CPQ: variants seen among roughly 807,000 people sequenced by gnomAD.
CPQ encodes carboxypeptidase Q.
CPQ carries 37 observed loss-of-function variants against 45.7 expected under a neutral mutation model. That is an observed-to-expected ratio of 0.81 (90% CI 0.62 to 1.07). CPQ has a LOEUF of 1.07. Ranked by LOEUF, CPQ falls within the 50% of genes least tolerant of loss-of-function variation. The pLI, the probability that CPQ is intolerant of heterozygous loss-of-function variation, is 0.00. For missense variants in CPQ, 537 were observed against 572.9 expected (o/e 0.94, Z 0.64); for synonymous variants, 186 against 205.8 (o/e 0.90, Z 0.82).
chr8:97,010,244 G>A (rs201451759), intron 5 of CPQ, among the ~76,000 whole-genome samples: 1 of 152,060 alleles, frequency 6.6e-6, no homozygotes, highest in Non-Finnish European at 1.5e-5. Flanking sequence ...TTTTGCTTTC[G>A]TATGTCAGAG....
intron 3 of CPQ, among the ~76,000 whole-genome samples, chr8:96,852,351 G>C (rs1187468306): frequency 6.6e-6 from 1 of 152,088 alleles, no homozygotes; most frequent in Admixed American, 6.5e-5. Flanking sequence ...CAAAAAAAAA[G>C]ACACTAGGTG....
chr8:96,928,164 T>C (rs1479728585), intron 4 of CPQ, among the ~76,000 whole-genome samples: 1 of 152,122 alleles, frequency 6.6e-6, no homozygotes, highest in East Asian at 1.9e-4. Flanking sequence ...GCATTTTCTA[T>C]CGTAAGACAG....
chr8:97,141,604 T>C (rs2130634815), intron 7 of CPQ, among the ~76,000 whole-genome samples: 1 of 152,208 alleles, frequency 6.6e-6, no homozygotes, highest in African/African-American at 2.4e-5. Context: ...AGGAAAACAT[T>C]TTGGAATTGC....
At chr8:96,841,501 A>G (rs1442041552) in intron 3 of CPQ, among the ~76,000 whole-genome samples, 2 of 152,082 alleles carry the variant, frequency 1.3e-5, no homozygotes, top group East Asian at 3.8e-4. Flanking sequence ...TTTCCTAGTT[A>G]TTTTCTCCAT....
At chr8:96,739,993 G>A (rs1050807470) in intron 1 of CPQ, among the ~76,000 whole-genome samples, 13 of 152,062 alleles carry the variant, frequency 8.5e-5, no homozygotes, top group African/African-American at 9.7e-5. Flanking sequence ...TTCCAATTCT[G>A]TGAAGAAAGT....
intron 5 of CPQ, among the ~76,000 whole-genome samples, chr8:97,017,286 T>A (rs1409897839): frequency 6.6e-6 from 1 of 152,128 alleles, no homozygotes; most frequent in African/African-American, 2.4e-5. Context: ...AGCAAGCCAC[T>A]TCTGCCTCAC....
chr8:96,708,479 A>G (rs1809563862), intron 1 of CPQ, among the ~76,000 whole-genome samples: 1 of 151,512 alleles, frequency 6.6e-6, no homozygotes, highest in Non-Finnish European at 1.5e-5. Flanking sequence ...TTGGGCCTAT[A>G]CCTATATTTC....
At chr8:96,814,885 G>A (rs2130831951) in intron 2 of CPQ, among the ~76,000 whole-genome samples, 1 of 152,220 alleles carries the variant, frequency 6.6e-6, no homozygotes, top group South Asian at 2.1e-4. Flanking sequence ...TAGGATAAAT[G>A]AAAAATGCCA....
At chr8:96,703,112 C>T (rs890813843) in intron 1 of CPQ, among the ~76,000 whole-genome samples, 10 of 152,218 alleles carry the variant, frequency 6.6e-5, no homozygotes, top group Admixed American at 2.0e-4. Flanking sequence ...AGTGTTATGA[C>T]CAGAGGCTCA....
chr8:96,709,143 T>C (rs113292597), intron 1 of CPQ, among the ~76,000 whole-genome samples: 3,475 of 152,268 alleles, frequency 0.023, 146 homozygotes, highest in African/African-American at 0.079. Context: ...ACAAGTGGTT[T>C]TGTTTACATG....
At chr8:96,886,527 A>G (rs1812308871) in intron 4 of CPQ, among the ~76,000 whole-genome samples, 2 of 152,228 alleles carry the variant, frequency 1.3e-5, no homozygotes, top group Non-Finnish European at 1.5e-5. Flanking sequence ...TATCCTAACA[A>G]TTAAAATAGT....
At chr8:97,089,755 C>T (rs1000859516) in intron 7 of CPQ, among the ~76,000 whole-genome samples, 6 of 152,050 alleles carry the variant, frequency 3.9e-5, no homozygotes, top group Non-Finnish European at 8.8e-5. Context: ...GAGTACTGAT[C>T]CTTTCTTTAA....
In CPQ at chr8:96,951,156, A is replaced by T. The variant is rs192601903; in HGVS notation, c.850-14779A>T. ...CACTAAAATTTGTCTGTAATGGCAT[A>T]AAAAAAACCCTGATATTTGCCTTTT... On this transcript the variant is annotated intron_variant, in intron 4 of 7. Coordinates refer to ENST00000220763, the MANE Select transcript of CPQ (RefSeq NM_016134.4). 1.7e-3 allele frequency among the ~76,000 whole-genome samples: 257 copies of T among 152,076 alleles called. 1 individual carries two copies. The highest frequency in any genetic ancestry group is 5.8e-3 in the African/African-American group (242 of 41,524).
At chr8:96,922,102 A>G (rs897281290) in intron 4 of CPQ, among the ~76,000 whole-genome samples, 8 of 152,224 alleles carry the variant, frequency 5.3e-5, no homozygotes, top group Admixed American at 1.3e-4. Context: ...ATTAGATTAA[A>G]TTACTTAATT....
At chr8:96,975,746 A>G (rs1283816539) in intron 5 of CPQ, among the ~76,000 whole-genome samples, 2 of 152,186 alleles carry the variant, frequency 1.3e-5, no homozygotes, top group African/African-American at 4.8e-5. Flanking sequence ...CAAAAATCAC[A>G]TGATCATCTT....
At chr8:96,833,353 A>T (rs573641051) in intron 2 of CPQ, among the ~76,000 whole-genome samples, 1 of 152,208 alleles carries the variant, frequency 6.6e-6, no homozygotes, top group Admixed American at 6.5e-5. Context: ...ACCATAATGA[A>T]GTACCACCCT....
Position 96,738,032 on chromosome 8 carries a change from G to C in CPQ, c.-34-46832G>C, listed in dbSNP as rs187135349. ...AATTTTCTAATGTGTAATTTTGTTT[G>C]ATAGTTCGTTTTGCTGCTGATTGTT... is the stretch of plus-strand genomic sequence containing the variant. On this transcript the variant is annotated intron_variant, in intron 1 of 7. Transcript: ENST00000220763. Among the ~76,000 whole-genome samples, 12 of 152,188 alleles carry C rather than the reference G, an allele frequency of 7.9e-5. No homozygotes were observed. The East Asian group carries it at 1.7e-3, about 22-fold the overall frequency.
intron 2 of CPQ, among the ~76,000 whole-genome samples, chr8:96,799,491 C>G (rs866257182): frequency 6.6e-6 from 1 of 152,058 alleles, no homozygotes; most frequent in African/African-American, 2.4e-5. Context: ...TGTCTGATAT[C>G]TAATTGCAGA....
In CPQ at chr8:96,664,837, C is replaced by T. The variant is rs114603148; in HGVS notation, c.-35+19435C>T. On this transcript the variant is annotated intron_variant, in intron 1 of 7. Transcript: ENST00000220763. ...CCTTCACTGGACAGGCAACATTAAT[C>T]TAGCTGCCATTGTACCGCACACATG... Among the ~76,000 whole-genome samples the T allele has an allele frequency of 3.2e-3, 484 of 152,322 alleles. 5 individuals are homozygous for T. Among genetic ancestry groups the T allele is most frequent in the African/African-American group, 0.011 (461 of 41,580 alleles).
Sources: allele counts gnomAD v4.1 joint callset (sites outside exome capture counted in the v4.1 genomes callset), GRCh38; gene constraint gnomAD v4.1.1; transcripts MANE v1.5; gene names NCBI Gene and HGNC (gene_info 2026-07-23, HGNC 2026-07-21).